Variants in CACUL1 observed in about 807,000 individuals in gnomAD.
The protein encoded by CACUL1 is CDK2 associated cullin domain 1.
Under a neutral mutation model 45.2 loss-of-function variants are expected in CACUL1, and 13 were observed. The ratio of observed to expected loss-of-function variants is 0.29; its 90% confidence interval spans 0.19 to 0.46. The LOEUF is 0.46. Among genes scored for constraint, CACUL1 ranks in the 20% least tolerant of loss-of-function variants. CACUL1 has a pLI of 1.00. For synonymous variants in CACUL1, 197 were observed against 174.2 expected (o/e 1.13, Z -1.03); for missense variants, 421 against 471.4 (o/e 0.89, Z 0.99).
chr10:118,743,194 G>GA lies in CACUL1; in HGVS notation c.367+11201dup, dbSNP rs925217006. Among the ~76,000 whole-genome samples, 270 of 147,282 alleles carry GA rather than the reference G, an allele frequency of 1.8e-3. 2 individuals carry two copies. In the East Asian group the frequency reaches 0.029, roughly 16 times the overall value. Reference sequence around the variant, plus strand: ...AAACTAAAGCACAGAGAGTAAAAAAGAAAAAAAAAATCTTTAAAAAAATGA... The same window carrying GA: ...AAACTAAAGCACAGAGAGTAAAAAAGAAAAAAAAAAATCTTTAAAAAAATGA... On this transcript the variant is annotated intron_variant, in intron 1 of 8. Transcript: ENST00000369151.
At chr10:118,712,554 A>C (rs1010216010) in intron 3 of CACUL1, among the ~76,000 whole-genome samples, 3 of 152,236 alleles carry the variant, frequency 2.0e-5, no homozygotes, top group African/African-American at 7.2e-5. Flanking sequence ...TACGCAGACA[A>C]GTGGAGGAGC....
At chr10:118,695,371 T>C (rs1177741748) in intron 5 of CACUL1, 141 bp from the exon 6 acceptor site, 2 of 570,844 alleles carry the variant, frequency 3.5e-6, no homozygotes, top group Non-Finnish European at 6.4e-6. Context: ...AATGTTTATA[T>C]ACTAAGGATT....
chr10:118,738,780 A>T (rs942403225), intron 1 of CACUL1, among the ~76,000 whole-genome samples: 1 of 151,990 alleles, frequency 6.6e-6, no homozygotes, highest in African/African-American at 2.4e-5. Context: ...AAAGCTAAAA[A>T]CAAAGATAAT....
At chr10:118,749,866 C>A (rs771227825) in intron 1 of CACUL1, among the ~76,000 whole-genome samples, 2 of 152,166 alleles carry the variant, frequency 1.3e-5, no homozygotes, top group Non-Finnish European at 2.9e-5. Context: ...ACTGTAACTC[C>A]CCCAGTTCTG....
Position 118,729,363 on chromosome 10 carries a change from C to G in CACUL1, c.529G>C (p.Glu177Gln). ...TTAATCAGATCACTATACATCTGTT[C>G]CGAGTGCTGCTGGCATACACATTTA... ...VYKCVCQQHS[E>Q]QMYSDLIKKI... The change falls in exon 3 of 9, where the codon GAA (glutamate) becomes CAA (glutamine). Residue 177 changes from glutamate (E) to glutamine (Q), a missense_variant. This residue lies in a region of CACUL1 where 208 missense variants were observed against 298.4 expected (regional missense o/e 0.70). Transcript: ENST00000369151. 2 of 1,612,458 alleles carry G rather than the reference C, an allele frequency of 1.2e-6. No homozygotes were observed. The highest frequency in any genetic ancestry group is 8.5e-7 in the Non-Finnish European group (1 of 1,179,846).
At chr10:118,737,020 T>C (rs371310761) in intron 1 of CACUL1, among the ~76,000 whole-genome samples, 28 of 152,094 alleles carry the variant, frequency 1.8e-4, no homozygotes, top group African/African-American at 2.4e-4. Flanking sequence ...CCCTATGATG[T>C]TCCCACAGTG....
chr10:118,743,068 C>T (rs1845806855), intron 1 of CACUL1, among the ~76,000 whole-genome samples: 1 of 152,122 alleles, frequency 6.6e-6, no homozygotes, highest in Admixed American at 6.5e-5. Flanking sequence ...GCATTAAAAA[C>T]AGTTGGAACT....
chr10:118,733,477 C>T (rs758549737), intron 1 of CACUL1, among the ~76,000 whole-genome samples: 1 of 149,914 alleles, frequency 6.7e-6, no homozygotes, highest in Non-Finnish European at 1.5e-5. Context: ...TCTTCATAAC[C>T]ATCTGCAGTC....
chr10:118,728,179 A>T lies in CACUL1; in HGVS notation c.597+1116T>A, dbSNP rs76211384. Among the ~76,000 whole-genome samples, 804 of 152,334 alleles carry T rather than the reference A, an allele frequency of 5.3e-3. 6 individuals are homozygous for T. The highest frequency in any genetic ancestry group is 0.018 in the African/African-American group (759 of 41,558). On this transcript the variant is annotated intron_variant, in intron 3 of 8. Transcript: ENST00000369151. ...AAACACAAAAAAACTAAGCTATCTC[A>T]GACCACAAGTTGTGAAGAACAATAT... is the stretch of plus-strand genomic sequence containing the variant.
intron 5 of CACUL1, among the ~76,000 whole-genome samples, chr10:118,696,346 T>C (rs1056066128): frequency 2.6e-5 from 4 of 152,072 alleles, no homozygotes; most frequent in African/African-American, 4.8e-5. Flanking sequence ...AAAAACTCGT[T>C]TTAAGAAAAT....
At chr10:118,707,093 C>G (rs912382934) in intron 4 of CACUL1, among the ~76,000 whole-genome samples, 3 of 152,218 alleles carry the variant, frequency 2.0e-5, no homozygotes, top group Admixed American at 6.5e-5. Flanking sequence ...AACAGATCAT[C>G]AGAATGGCAG....
At chr10:118,739,305 A>G (rs532951220) in intron 1 of CACUL1, among the ~76,000 whole-genome samples, 1 of 152,298 alleles carries the variant, frequency 6.6e-6, no homozygotes, top group South Asian at 2.1e-4. Flanking sequence ...AGATCAAAAC[A>G]GAAATTCAAC....
At chr10:118,744,687 G>A (rs550559621) in intron 1 of CACUL1, among the ~76,000 whole-genome samples, 5 of 152,112 alleles carry the variant, frequency 3.3e-5, no homozygotes, top group Admixed American at 2.0e-4. Context: ...ACAGATTCTC[G>A]TCATGTCGCC....
At chr10:118,691,799 G>A (rs1482217490) in intron 6 of CACUL1, among the ~76,000 whole-genome samples, 21 of 147,874 alleles carry the variant, frequency 1.4e-4, no homozygotes, top group African/African-American at 4.3e-4. Context: ...CCTGGGAGGC[G>A]GAGCTTGCAG....
intron 4 of CACUL1, among the ~76,000 whole-genome samples, chr10:118,702,562 C>A (rs1004695467): frequency 1.4e-5 from 2 of 147,890 alleles, no homozygotes; most frequent in Non-Finnish European, 3.0e-5. Context: ...GAATTACTGG[C>A]AAGTCAAAGT....
intron 3 of CACUL1, among the ~76,000 whole-genome samples, chr10:118,722,080 CT>C (rs11358147): frequency 0.4 from 55,828 of 140,376 alleles, 10,747 homozygotes; most frequent in East Asian, 0.56. Context: ...CAGAAACAAA[CT>C]TTTTTTTTTT....
At chr10:118,717,360 CTTAAAAG>C (rs1477909042) in intron 3 of CACUL1, among the ~76,000 whole-genome samples, 1 of 152,166 alleles carries the variant, frequency 6.6e-6, no homozygotes, top group Non-Finnish European at 1.5e-5. Context: ...AATTTTTCCT[CTTAAAAG>C]TTAATGGCTT....
intron 3 of CACUL1, among the ~76,000 whole-genome samples, chr10:118,714,908 A>G (rs1845527462): frequency 6.6e-6 from 1 of 152,210 alleles, no homozygotes; most frequent in Admixed American, 6.5e-5. Context: ...ACCCCCCTGA[A>G]AGGCTTTTGG....
intron 3 of CACUL1, among the ~76,000 whole-genome samples, chr10:118,728,393 A>C (rs1190007019): frequency 6.7e-6 from 1 of 150,086 alleles, no homozygotes; most frequent in African/African-American, 2.5e-5. Flanking sequence ...GGCCAACTGC[A>C]ACCTCCGCCT....
Sources: allele counts gnomAD v4.1 joint callset (sites outside exome capture counted in the v4.1 genomes callset), GRCh38; gene constraint gnomAD v4.1.1; regional missense constraint gnomAD v4.1.1; transcripts MANE v1.5; gene names NCBI Gene and HGNC (gene_info 2026-07-23, HGNC 2026-07-21).